Variants in PUS10 observed in about 807,000 individuals in gnomAD.
PUS10 encodes tRNA pseudouridine synthase Pus10.
In PUS10, 59 loss-of-function variants were observed where a neutral mutation model predicts 75.0. The ratio of observed to expected loss-of-function variants is 0.79; its 90% CI spans 0.64 to 0.98. The LOEUF (loss-of-function observed/expected upper bound fraction) is 0.98. Among genes scored for constraint, PUS10 ranks in the 50% least tolerant of loss-of-function variants. The probability of loss-of-function intolerance (pLI) is 0.00; values close to 1 mark genes in which losing one functional copy is unlikely to be tolerated. For synonymous variants in PUS10, 219 were observed against 211.6 expected (o/e 1.03, Z -0.30); for missense variants, 650 against 614.4 (o/e 1.06, Z -0.61).
intron 16 of PUS10, among the ~76,000 whole-genome samples, chr2:60,946,705 T>A (rs1674962687): frequency 6.6e-6 from 1 of 152,066 alleles, no homozygotes; most frequent in Non-Finnish European, 1.5e-5. Context: ...ATCCAGGTCC[T>A]GGGGTGGGGC....
rs972124819 is a variant in PUS10 at position 60,942,148 on chromosome 2, T to C, written c.*247A>G. On this transcript the variant is annotated 3_prime_UTR_variant, in exon 18 of 18. Transcript: ENST00000316752. The stretch of plus-strand genomic sequence containing the variant: ...AGGAGAATTATTTCATTATTCATAG[T>C]TTGGTTTGTGGGGGTGAAAGAGGGA... The C allele has an allele frequency of 6.8e-6, 3 of 440,414 alleles. No homozygotes were observed. The highest frequency in any genetic ancestry group is 5.7e-4 in the Middle Eastern group (1 of 1,752). The allele number at this position is 440,414 out of a possible 1,614,324, so 27.3% of individuals were successfully genotyped here.
At chr2:60,997,208 C>T (rs1232811058) in intron 4 of PUS10, among the ~76,000 whole-genome samples, 1 of 152,204 alleles carries the variant, frequency 6.6e-6, no homozygotes, top group African/African-American at 2.4e-5. Context: ...GTGCCTAAAA[C>T]TAGCAAGGTT....
At chr2:60,979,135 A>ACATATG (rs1677224958) in intron 4 of PUS10, among the ~76,000 whole-genome samples, 3 of 148,842 alleles carry the variant, frequency 2.0e-5, no homozygotes, top group Admixed American at 2.0e-4. Flanking sequence ...ATACACATAC[A>ACATATG]CATACACATA....
At chr2:60,960,038 C>G (rs935750006) in intron 11 of PUS10, among the ~76,000 whole-genome samples, 1 of 150,006 alleles carries the variant, frequency 6.7e-6, no homozygotes, top group African/African-American at 2.5e-5. Context: ...AAAAAATAAC[C>G]GAGCATGGTG....
chr2:60,986,161 G>A (rs1438669119), intron 4 of PUS10, among the ~76,000 whole-genome samples: 1 of 151,988 alleles, frequency 6.6e-6, no homozygotes, highest in Admixed American at 6.6e-5. Context: ...CAGTTTTAAA[G>A]TGCTCTCCCA....
Position 60,953,925 on chromosome 2 carries a change from A to C in PUS10, c.1190+8T>G. 6.2e-7 allele frequency: 1 copy of C among 1,612,158 alleles called. No homozygotes were observed. Among genetic ancestry groups the C allele is most frequent in the South Asian group, 1.1e-5 (1 of 91,040 alleles). On this transcript the variant is annotated splice_region_variant and intron_variant, in intron 14 of 17. Coordinates refer to ENST00000316752, the MANE Select transcript of PUS10 (RefSeq NM_144709.4). ...TTTTGAAATCATCTCCAATGAGCCT[A>C]CTCTTACCTTGTGACAAGCTGCAAG... is the stretch of plus-strand genomic sequence containing the variant.
chr2:60,977,840 G>T (rs999199744), intron 4 of PUS10, among the ~76,000 whole-genome samples: 1 of 152,138 alleles, frequency 6.6e-6, no homozygotes, highest in Admixed American at 6.5e-5. Context: ...TTCTCAAACC[G>T]TAAGAGGAAG....
In PUS10 at chr2:60,941,712, G is replaced by A. The variant is rs1251944093; in HGVS notation, c.*683C>T. The A allele has an allele frequency of 2.0e-5, 3 of 152,142 alleles. No homozygotes were observed. Among genetic ancestry groups the A allele is most frequent in the African/African-American group, 7.2e-5 (3 of 41,394 alleles). The allele number at this position is 152,142 out of a possible 1,614,324, so 9.4% of individuals were successfully genotyped here. ...AGATTTATGAAAGGCTCCTACCATGGCATGCCTTGGCTCCTACGGTTTTAC... is the reference window on the plus strand; with the variant it reads ...AGATTTATGAAAGGCTCCTACCATGACATGCCTTGGCTCCTACGGTTTTAC... On this transcript the variant is annotated 3_prime_UTR_variant, in exon 18 of 18. Coordinates refer to ENST00000316752, the MANE Select transcript of PUS10 (RefSeq NM_144709.4).
At chr2:61,002,444 T>G (rs1015096177) in intron 4 of PUS10, among the ~76,000 whole-genome samples, 6 of 152,228 alleles carry the variant, frequency 3.9e-5, no homozygotes, top group Non-Finnish European at 8.8e-5. Flanking sequence ...CTATCTATCC[T>G]GTTTTGTTTT....
chr2:60,948,067 A>T lies in PUS10; in HGVS notation c.1427T>A (p.Leu476His). 3.1e-6 allele frequency: 5 copies of T among 1,614,118 alleles called. No individual in the cohort carries two copies. The South Asian group carries it at 5.5e-5, about 18-fold the overall frequency. Residue 476 changes from leucine (L) to histidine (H), a missense_variant, in exon 16 of 18, where the codon CTC (leucine) becomes CAC (histidine). Physicochemically the swap from Leu to His is moderately conservative, Grantham distance 99 (BLOSUM62 -3). Coordinates refer to ENST00000316752, the MANE Select transcript of PUS10 (RefSeq NM_144709.4). ...CGTGCCAGCCTGAGTTTTCAAGTGGAGGCGGAAGTGGTGCTCATCCACGTA... is the reference window on the plus strand; with the variant it reads ...CGTGCCAGCCTGAGTTTTCAAGTGGTGGCGGAAGTGGTGCTCATCCACGTA... ...TQYVDEHHFR[L>H]HLKTQAGTYI...
intron 4 of PUS10, among the ~76,000 whole-genome samples, chr2:60,977,488 C>T (rs1677105575): frequency 1.3e-5 from 2 of 152,248 alleles, no homozygotes; most frequent in South Asian, 2.1e-4. Context: ...CTCGCGGCAG[C>T]ACAAAGAAAC....
At chr2:60,972,193 C>T (rs1389610055) in intron 4 of PUS10, among the ~76,000 whole-genome samples, 5 of 141,224 alleles carry the variant, frequency 3.5e-5, no homozygotes, top group Non-Finnish European at 7.7e-5. Flanking sequence ...GCCAGGCGCG[C>T]TGGCTCACGC....
intron 1 of PUS10, 158 bp downstream of exon 1, chr2:61,017,850 C>G: frequency 6.5e-7 from 1 of 1,550,372 alleles, no homozygotes; most frequent in Non-Finnish European, 8.7e-7. Flanking sequence ...CCCCACTTTC[C>G]AGTGAGTGTG....
chr2:61,017,594 C>T, intron 1 of PUS10: 1 of 578,362 alleles, frequency 1.7e-6, no homozygotes. Flanking sequence ...CATCCTCCCG[C>T]TGTATGGATT....
intron 4 of PUS10, among the ~76,000 whole-genome samples, chr2:60,986,304 C>T (rs1677721756): frequency 6.6e-6 from 1 of 152,066 alleles, no homozygotes; most frequent in Non-Finnish European, 1.5e-5. Context: ...TTTAAGTTAC[C>T]ACATGCATTT....
intron 4 of PUS10, among the ~76,000 whole-genome samples, chr2:60,997,257 A>C (rs1444067900): frequency 2.0e-5 from 3 of 152,184 alleles, no homozygotes; most frequent in East Asian, 1.9e-4. Context: ...AAGTCTATTG[A>C]AAGATGCTTA....
chr2:61,009,782 T>A lies in PUS10; in HGVS notation c.127-767A>T, dbSNP rs1012129902. 6 of 152,328 alleles carry A rather than the reference T, an allele frequency of 3.9e-5. No homozygotes were observed. In the East Asian group the frequency reaches 1.1e-3, roughly 29 times the overall value. 9.4% of individuals were successfully genotyped at this position (152,328 alleles called of 1,614,324 possible). On this transcript the variant is annotated intron_variant, in intron 2 of 17. Transcript: ENST00000316752. ...TTTTATTATGCCATTGTTGAAAAAG[T>A]ATATTTTTCAAATTCATTCAGATGA...
intron 4 of PUS10, among the ~76,000 whole-genome samples, chr2:60,983,570 A>C (rs1677538840): frequency 6.6e-6 from 1 of 151,966 alleles, no homozygotes; most frequent in South Asian, 2.1e-4. Context: ...CCAGCTACTC[A>C]GAAAGCTGAG....
At chr2:60,949,003 G>A (rs1323419170) in intron 15 of PUS10, among the ~76,000 whole-genome samples, 2 of 152,106 alleles carry the variant, frequency 1.3e-5, no homozygotes, top group Non-Finnish European at 2.9e-5. Flanking sequence ...GGCCTGCTAA[G>A]AAAGAAAGGT....
Sources: allele counts gnomAD v4.1 joint callset (sites outside exome capture counted in the v4.1 genomes callset), GRCh38; gene constraint gnomAD v4.1.1; transcripts MANE v1.5; gene names NCBI Gene and HGNC (gene_info 2026-07-23, HGNC 2026-07-21).